The following NFYC variants were observed in gnomAD, a reference collection of about 807,000 sequenced individuals.
NFYC encodes the protein CAAT box DNA-binding protein subunit C.
Under a neutral mutation model 53.1 loss-of-function variants are expected in NFYC, and 25 were observed. The ratio of observed to expected loss-of-function variants is 0.47; its 90% CI spans 0.34 to 0.66. NFYC has a LOEUF of 0.66. NFYC is among the 30% of genes least tolerant of loss of function. NFYC has a pLI of 0.01. For synonymous variants in NFYC, 145 were observed against 152.6 expected, an observed-to-expected ratio of 0.95 and a Z score of 0.37; for missense variants, 260 against 422.7, an observed-to-expected ratio of 0.62 and a Z score of 3.38.
intron 1 of NFYC, among the ~76,000 whole-genome samples, chr1:40,731,596 C>T (rs1482044461): frequency 3.9e-5 from 6 of 151,926 alleles, no homozygotes; most frequent in East Asian, 3.9e-4. Flanking sequence ...GCGATTCCCC[C>T]GCCTCAGCCT....
At chr1:40,737,730 A>G (rs1226955174) in intron 1 of NFYC, among the ~76,000 whole-genome samples, 2 of 152,238 alleles carry the variant, frequency 1.3e-5, no homozygotes, top group Admixed American at 6.5e-5. Context: ...GAACTGGGCG[A>G]ACTGGCAAGT....
intron 6 of NFYC, among the ~76,000 whole-genome samples, chr1:40,759,481 A>G (rs951370824): frequency 1.3e-5 from 2 of 151,870 alleles, no homozygotes; most frequent in African/African-American, 4.8e-5. Context: ...GGCTACAGTG[A>G]GCTGTGATTG....
At chr1:40,719,867 G>A (rs1644269276) in intron 1 of NFYC, among the ~76,000 whole-genome samples, 1 of 152,148 alleles carries the variant, frequency 6.6e-6, no homozygotes, top group South Asian at 2.1e-4. Context: ...GGTGAATTCT[G>A]CCAAGTTCCT....
intron 1 of NFYC, chr1:40,712,322 A>G (rs1557757779): frequency 6.6e-6 from 1 of 152,138 alleles, no homozygotes; most frequent in Non-Finnish European, 1.5e-5. Flanking sequence ...AAGAATTTTA[A>G]CCCCTTTGTC....
At chr1:40,718,258 G>T (rs950020040) in intron 1 of NFYC, among the ~76,000 whole-genome samples, 1 of 152,216 alleles carries the variant, frequency 6.6e-6, no homozygotes, top group African/African-American at 2.4e-5. Flanking sequence ...TCTACCTAAT[G>T]TAAGTAGGAC....
chr1:40,739,390 G>C (rs1322917570), intron 2 of NFYC, among the ~76,000 whole-genome samples: 2 of 152,146 alleles, frequency 1.3e-5, no homozygotes, highest in African/African-American at 4.8e-5. Context: ...GTGTTAAAAA[G>C]ATATACTTTG....
At chr1:40,723,671 CTTTTTTTTTT>C (rs1321948774) in intron 1 of NFYC, 1 of 148,550 alleles carries the variant, frequency 6.7e-6, no homozygotes, top group Non-Finnish European at 1.5e-5. Flanking sequence ...CTTTTCTTTT[CTTTTTTTTTT>C]GAGACAGGAT....
intron 5 of NFYC, among the ~76,000 whole-genome samples, chr1:40,755,941 T>C (rs984522568): frequency 5.9e-5 from 9 of 151,912 alleles, no homozygotes; most frequent in African/African-American, 2.2e-4. Context: ...TCAGCTGTAG[T>C]TGGGGATAAC....
intron 3 of NFYC, among the ~76,000 whole-genome samples, chr1:40,748,588 C>T (rs1388427170): frequency 6.6e-6 from 1 of 152,142 alleles, no homozygotes; most frequent in Non-Finnish European, 1.5e-5. Flanking sequence ...ACCTTTTGAT[C>T]TATGAGTTTC....
chr1:40,715,855 A>G (rs534549400), intron 1 of NFYC, among the ~76,000 whole-genome samples: 1 of 152,372 alleles, frequency 6.6e-6, no homozygotes, highest in South Asian at 2.1e-4. Flanking sequence ...GTGGCATAAC[A>G]TTGTGACCTT....
chr1:40,708,304 A>G (rs1643817186), intron 1 of NFYC, among the ~76,000 whole-genome samples: 1 of 152,190 alleles, frequency 6.6e-6, no homozygotes, highest in African/African-American at 2.4e-5. Context: ...CTAGCAACAT[A>G]GTGAGACACC....
At chr1:40,735,886 A>T in intron 1 of NFYC, 4 of 376,288 alleles carry the variant, frequency 1.1e-5, no homozygotes, top group Non-Finnish European at 1.5e-5. Context: ...ATTAATAATG[A>T]TAAATAACTA....
intron 5 of NFYC, 122 bp downstream of exon 5, chr1:40,753,368 C>A (rs1303730997): frequency 1.6e-6 from 1 of 635,280 alleles, no homozygotes; most frequent in South Asian, 2.1e-5. Context: ...CGTTTCTAGA[C>A]CAGATTCATT....
chr1:40,734,688 G>C (rs1476343484), intron 1 of NFYC, among the ~76,000 whole-genome samples: 2 of 152,032 alleles, frequency 1.3e-5, no homozygotes, highest in Non-Finnish European at 2.9e-5. Flanking sequence ...ATTAATTGTT[G>C]GGTGTTTTTA....
chr1:40,727,946 T>C lies in NFYC; in HGVS notation c.-8-10890T>C, dbSNP rs75484706. The stretch of plus-strand genomic sequence containing the variant: ...ATGGCAGCTGTGTCCTTATGAAGTG[T>C]TTTTATTTCTGAGACAGAGTCTCAC... On this transcript the variant is annotated intron_variant, in intron 1 of 9. Coordinates refer to ENST00000447388, the MANE Select transcript of NFYC (RefSeq NM_014223.5). Among the ~76,000 whole-genome samples the C allele has an allele frequency of 2.0e-4, 30 of 152,064 alleles. No homozygotes were observed. The East Asian group carries it at 5.9e-3, about 30-fold the overall frequency.
chr1:40,740,131 A>AT (rs1367551826), intron 2 of NFYC, among the ~76,000 whole-genome samples: 12 of 152,288 alleles, frequency 7.9e-5, no homozygotes, highest in African/African-American at 2.9e-4. Context: ...GGAGCTCCCC[A>AT]TGTTGGCTGT....
At chr1:40,762,098 C>G (rs1646578743) in intron 6 of NFYC, among the ~76,000 whole-genome samples, 1 of 152,198 alleles carries the variant, frequency 6.6e-6, no homozygotes, top group Admixed American at 6.5e-5. Flanking sequence ...GGACTACAAC[C>G]ATTGTGTGTG....
chr1:40,694,233 G>A (rs1643001398), intron 1 of NFYC, among the ~76,000 whole-genome samples: 1 of 152,184 alleles, frequency 6.6e-6, no homozygotes, highest in Admixed American at 6.5e-5. Context: ...CCTATTCAAA[G>A]GCCTAGTGCT....
rs547381984 is a variant in NFYC, at chr1:40,738,979, A to G, written c.105+31A>G. On this transcript the variant is annotated intron_variant, in intron 2 of 9. Coordinates refer to ENST00000447388, the MANE Select transcript of NFYC (RefSeq NM_014223.5). ...GAAGAATGAGAAACTTTTATTAGAAACTTTTAAAGAGTATAAAGAGCTCTG... is the reference window on the plus strand; with the variant it reads ...GAAGAATGAGAAACTTTTATTAGAAGCTTTTAAAGAGTATAAAGAGCTCTG... 2.8e-5 allele frequency: 42 copies of G among 1,490,882 alleles called. No individual in the cohort carries two copies. In the Admixed American group the frequency reaches 6.0e-4, roughly 21 times the overall value. The allele number at this position is 1,490,882 out of a possible 1,614,324, so 92.4% of individuals were successfully genotyped here.
Sources: allele counts gnomAD v4.1 joint callset (sites outside exome capture counted in the v4.1 genomes callset), GRCh38; gene constraint gnomAD v4.1.1; transcripts MANE v1.5; gene names NCBI Gene and HGNC (gene_info 2026-07-23, HGNC 2026-07-21).